The following ARID4B variants were observed in gnomAD, a reference collection of about 807,000 sequenced individuals.
ARID4B encodes the protein AT-rich interactive domain-containing protein 4B.
ARID4B carries 26 observed loss-of-function variants against 147.5 expected under a neutral mutation model. The observed-to-expected ratio is 0.18, with a 90% CI of 0.13 to 0.24. ARID4B has a LOEUF of 0.24. Among genes scored for constraint, ARID4B ranks in the 10% least tolerant of loss-of-function variants. ARID4B has a pLI of 1.00. For synonymous variants in ARID4B, 512 were observed against 507.9 expected (o/e 1.01, Z -0.11); for missense variants, 1,179 against 1,511.5 (o/e 0.78, Z 3.65).
chr1:235,277,552 T>A (rs868771371), intron 2 of ARID4B, among the ~76,000 whole-genome samples: 1,677 of 121,386 alleles, frequency 0.014, 21 homozygotes, highest in South Asian at 0.08. Flanking sequence ...AAAAAAAAAA[T>A]AATAATAATA....
intron 20 of ARID4B, among the ~76,000 whole-genome samples, chr1:235,178,192 A>G (rs1331608426): frequency 2.0e-5 from 3 of 152,168 alleles, no homozygotes; most frequent in Non-Finnish European, 4.4e-5. Flanking sequence ...TCCTTAATAT[A>G]GTACTGGGAG....
chr1:235,247,822 C>T (rs1669396212), intron 6 of ARID4B, among the ~76,000 whole-genome samples: 1 of 151,968 alleles, frequency 6.6e-6, no homozygotes, highest in South Asian at 2.1e-4. Context: ...AACCCCGTCT[C>T]TACTAAAAAT....
intron 6 of ARID4B, 34 bp downstream of exon 6, chr1:235,252,696 T>G: frequency 6.3e-7 from 1 of 1,581,248 alleles, no homozygotes; most frequent in Middle Eastern, 1.7e-4. Flanking sequence ...ATAAAAAATA[T>G]TAAGACATGT....
intron 19 of ARID4B, among the ~76,000 whole-genome samples, chr1:235,187,848 A>C (rs1034795763): frequency 3.9e-5 from 6 of 152,236 alleles, no homozygotes; most frequent in Non-Finnish European, 1.5e-5. Flanking sequence ...TTAAAATGTT[A>C]AAAGTATGCA....
At chr1:235,312,155 G>A (rs896381831) in intron 2 of ARID4B, among the ~76,000 whole-genome samples, 7 of 151,206 alleles carry the variant, frequency 4.6e-5, no homozygotes, top group Non-Finnish European at 8.9e-5. Flanking sequence ...GCGTGGTGGC[G>A]CGCACCTGTA....
chr1:235,282,640 G>A (rs1352917390), intron 2 of ARID4B, among the ~76,000 whole-genome samples: 1 of 151,904 alleles, frequency 6.6e-6, no homozygotes, highest in Admixed American at 6.6e-5. Flanking sequence ...CTGTACTTTC[G>A]ACAGACCCAA....
At chr1:235,220,150 T>C in intron 15 of ARID4B, 152 bp downstream of exon 15, 2 of 844,510 alleles carry the variant, frequency 2.4e-6, no homozygotes, top group South Asian at 6.5e-5. Flanking sequence ...ATTTTGAAGT[T>C]ATGATAAAAA....
intron 17 of ARID4B, among the ~76,000 whole-genome samples, chr1:235,212,922 A>G (rs1190460534): frequency 2.0e-5 from 3 of 152,224 alleles, no homozygotes; most frequent in Non-Finnish European, 2.9e-5. Flanking sequence ...TACACCATGA[A>G]ACCACAACTT....
At chr1:235,293,737 C>T (rs1672490951) in intron 2 of ARID4B, among the ~76,000 whole-genome samples, 2 of 152,104 alleles carry the variant, frequency 1.3e-5, no homozygotes, top group African/African-American at 4.8e-5. Context: ...TTCAGCAATA[C>T]AGCCAGTTTG....
chr1:235,171,919 G>A (rs1663397190), intron 23 of ARID4B, among the ~76,000 whole-genome samples: 1 of 152,110 alleles, frequency 6.6e-6, no homozygotes. Context: ...TGGGATTACA[G>A]GCATGAGCCA....
At position 235,327,991 on chromosome 1, in the gene ARID4B, T is replaced by TC. The variant is rs1252275094; in HGVS notation, c.-273dup. On this transcript the variant is annotated 5_prime_UTR_variant, in exon 1 of 24. Coordinates refer to ENST00000264183, the MANE Select transcript of ARID4B (RefSeq NM_016374.6). ...TTGGGGGGAGGGGGACGACGAAAAATCCCCCCCGGACTGGAGGTCCGGGCC... is the reference window on the plus strand; with the variant it reads ...TTGGGGGGAGGGGGACGACGAAAAATCCCCCCCCGGACTGGAGGTCCGGGCC... 4.0e-5 allele frequency: 6 copies of TC among 150,768 alleles called. No individual in the cohort carries two copies. Among genetic ancestry groups the TC allele is most frequent in the African/African-American group, 7.4e-5 (3 of 40,688 alleles). 9.3% of individuals were successfully genotyped at this position (150,768 alleles called of 1,614,324 possible).
chr1:235,182,078 A>G lies in ARID4B; in HGVS notation c.2841T>C (p.Ser947=), dbSNP rs1400609339. The G allele has an allele frequency of 6.2e-7, 1 of 1,614,170 alleles. No individual in the cohort carries two copies. The part of the protein sequence containing the change: ...KKTLKELFSD[S]DTEAAASPPH... ...GTGGGGAAGCTGCAGCCTCAGTATC[A>G]GAGTCTGAAAAAAGCTCTTTCAGCG... Residue 947 remains serine, a synonymous_variant, in exon 20 of 24, where the codon TCT becomes TCC. Coordinates refer to ENST00000264183, the MANE Select transcript of ARID4B (RefSeq NM_016374.6).
intron 2 of ARID4B, among the ~76,000 whole-genome samples, chr1:235,321,495 GT>G (rs1483147337): frequency 2.6e-5 from 4 of 151,964 alleles, no homozygotes; most frequent in Non-Finnish European, 5.9e-5. Context: ...CCCAGGATGA[GT>G]TACTAGGTCC....
rs67278012 is a variant in ARID4B at position 235,230,411 on chromosome 1, AAAAACAAAAC to A, written c.742+692_742+701del. On this transcript the variant is annotated intron_variant, in intron 10 of 23. Transcript: ENST00000264183. ...GCGACAGAGCAAGACTCCATCTCAA[AAAAACAAAAC>A]AAAACAAAACAAAACAAAACAAAAA... Among the ~76,000 whole-genome samples, 157 of 146,442 alleles carry A rather than the reference AAAAACAAAAC, an allele frequency of 1.1e-3. 1 individual carries two copies. Among genetic ancestry groups the A allele is most frequent in the East Asian group, 0.01 (52 of 5,080 alleles).
chr1:235,187,558 G>T (rs1664782726), intron 19 of ARID4B, among the ~76,000 whole-genome samples: 1 of 152,112 alleles, frequency 6.6e-6, no homozygotes, highest in African/African-American at 2.4e-5. Flanking sequence ...GAATGTAGAA[G>T]ATTATTCTCC....
chr1:235,298,531 A>T (rs978487643), intron 2 of ARID4B, among the ~76,000 whole-genome samples: 1 of 148,504 alleles, frequency 6.7e-6, no homozygotes, highest in African/African-American at 2.4e-5. Context: ...ATATTTATAT[A>T]TATCCATATA....
intron 2 of ARID4B, among the ~76,000 whole-genome samples, chr1:235,276,397 A>G (rs905880070): frequency 1.3e-5 from 2 of 152,276 alleles, no homozygotes; most frequent in African/African-American, 4.8e-5. Context: ...TTAAAAATAT[A>G]TTTACACTTT....
At chr1:235,271,232 A>G (rs2103145084) in intron 2 of ARID4B, among the ~76,000 whole-genome samples, 1 of 151,962 alleles carries the variant, frequency 6.6e-6, no homozygotes, top group South Asian at 2.1e-4. Context: ...GTGAACACTT[A>G]TGGTCCCAGC....
At chr1:235,183,717 C>CTTTGT (rs527304490) in intron 19 of ARID4B, among the ~76,000 whole-genome samples, 72 of 151,814 alleles carry the variant, frequency 4.7e-4, no homozygotes, top group African/African-American at 1.5e-3. Flanking sequence ...TTTTTCTTTC[C>CTTTGT]TTTGTTTTGT....
Sources: gnomAD v4.1 joint callset for allele counts (sites outside exome capture counted in the v4.1 genomes callset) on GRCh38, gnomAD v4.1.1 for gene constraint, MANE v1.5 for transcripts, NCBI Gene and HGNC (gene_info 2026-07-23, HGNC 2026-07-21) for gene names.